Variants in TLE4 observed in about 807,000 individuals in gnomAD.
The protein encoded by TLE4 is TLE family member 4, transcriptional corepressor.
Under a neutral mutation model 92.8 loss-of-function variants are expected in TLE4, and 8 were observed. The ratio of observed to expected loss-of-function variants is 0.09; its 90% CI spans 0.05 to 0.16. TLE4 has a LOEUF of 0.16. Among genes scored for constraint, TLE4 ranks in the 10% least tolerant of loss-of-function variants. The pLI is 1.00. For synonymous variants in TLE4, 371 were observed against 374.1 expected, an observed-to-expected ratio of 0.99 and a Z score of 0.10; for missense variants, 675 against 997.6, an observed-to-expected ratio of 0.68 and a Z score of 4.36.
rs569437547 is a variant in TLE4 at position 79,682,824 on chromosome 9, C to T, written c.610-21959C>T. ...ACTATGCCCACAGCCATTATCTCACCTCCTGGATCCTATTGAGAGCATCCT... is the reference window on the plus strand; with the variant it reads ...ACTATGCCCACAGCCATTATCTCACTTCCTGGATCCTATTGAGAGCATCCT... On this transcript the variant is annotated intron_variant, in intron 8 of 19. Coordinates refer to ENST00000376552, the MANE Select transcript of TLE4 (RefSeq NM_007005.6). Among the ~76,000 whole-genome samples the T allele has an allele frequency of 2.0e-5, 3 of 152,306 alleles. No individual in the cohort carries two copies. The South Asian group carries it at 6.2e-4, about 32-fold the overall frequency.
At position 79,573,791 on chromosome 9, in the gene TLE4, C is replaced by G; in HGVS notation, c.143+5C>G. 1 of 1,574,748 alleles carries G rather than the reference C, an allele frequency of 6.4e-7. No individual in the cohort carries two copies. The highest frequency in any genetic ancestry group is 8.7e-7 in the Non-Finnish European group (1 of 1,150,536). Reference sequence around the variant, plus strand: ...TTTACAGGCTCAATACCACAGGTAACGATATTGACTTTAGCTGATCCTTCT... The same window carrying G: ...TTTACAGGCTCAATACCACAGGTAAGGATATTGACTTTAGCTGATCCTTCT... On this transcript the variant is annotated splice_donor_5th_base_variant and intron_variant, in intron 2 of 19. Transcript: ENST00000376552.
intron 4 of TLE4, among the ~76,000 whole-genome samples, chr9:79,602,717 A>G (rs2045928946): frequency 6.6e-6 from 1 of 152,204 alleles, no homozygotes; most frequent in Admixed American, 6.5e-5. Flanking sequence ...CATGCCTGCT[A>G]ATAATTCTGT....
chr9:79,656,430 T>G (rs1370264519), intron 8 of TLE4, among the ~76,000 whole-genome samples: 1 of 152,216 alleles, frequency 6.6e-6, no homozygotes, highest in Admixed American at 6.5e-5. Flanking sequence ...TTGCTTTTAA[T>G]TTTTCCCTTT....
intron 6 of TLE4, among the ~76,000 whole-genome samples, chr9:79,644,922 C>T (rs1587744031): frequency 6.6e-6 from 1 of 152,288 alleles, no homozygotes. Flanking sequence ...GCTTGGGAGA[C>T]AGCCAGCCTT....
chr9:79,674,466 A>T (rs2062925645), intron 8 of TLE4, among the ~76,000 whole-genome samples: 1 of 152,164 alleles, frequency 6.6e-6, no homozygotes, highest in African/African-American at 2.4e-5. Flanking sequence ...GATGTACCTT[A>T]CTTGATGTAG....
intron 4 of TLE4, among the ~76,000 whole-genome samples, chr9:79,589,438 CCTT>C (rs2042004088): frequency 1.3e-5 from 2 of 152,128 alleles, no homozygotes; most frequent in African/African-American, 2.4e-5. Flanking sequence ...CCGTGATAAA[CCTT>C]CTCGGTGGGA....
At chr9:79,673,017 G>A (rs923911941) in intron 8 of TLE4, among the ~76,000 whole-genome samples, 1 of 152,146 alleles carries the variant, frequency 6.6e-6, no homozygotes, top group Non-Finnish European at 1.5e-5. Flanking sequence ...GATAGTCTTA[G>A]AACATTGCAA....
chr9:79,725,064 T>A lies in TLE4; in HGVS notation c.2242T>A (p.Cys748Ser). Residue 748 changes from cysteine to serine, a missense_variant, in exon 20 of 20, where the codon TGT becomes AGT. By Grantham distance (112) the Cys-to-Ser change is moderately radical. This residue lies in a region of TLE4 where 170 missense variants were observed against 359.6 expected (regional missense o/e 0.47). Coordinates refer to ENST00000376552, the MANE Select transcript of TLE4 (RefSeq NM_007005.6). ...QSKESSSVLS[C>S]DISVDDKYIV... ...CAAAGAATCCTCATCGGTGCTTAGC[T>A]GTGACATCTCCGTGGACGACAAATA... 6.2e-7 allele frequency: 1 copy of A among 1,613,918 alleles called. No homozygotes were observed. Among genetic ancestry groups the A allele is most frequent in the Non-Finnish European group, 8.5e-7 (1 of 1,179,870 alleles).
rs115248411 is a variant in TLE4 at position 79,694,124 on chromosome 9, G to T, written c.610-10659G>T. On this transcript the variant is annotated intron_variant, in intron 8 of 19. Coordinates refer to ENST00000376552, the MANE Select transcript of TLE4 (RefSeq NM_007005.6). ...ATTGCTGGCAGGGCAAGGGCGGAGG[G>T]GGGAGTGTGGAGAACGGAAAAGAGA... 2.0e-3 allele frequency among the ~76,000 whole-genome samples: 312 copies of T among 152,296 alleles called. 1 individual carries two copies. The highest frequency in any genetic ancestry group is 7.1e-3 in the African/African-American group (295 of 41,562).
At chr9:79,704,985 A>C (rs2071108471) in intron 9 of TLE4, 83 bp downstream of exon 9, 1 of 1,549,578 alleles carries the variant, frequency 6.5e-7, no homozygotes, top group Non-Finnish European at 8.8e-7. Context: ...ATTACCAGCC[A>C]ACACAGGAAC....
At chr9:79,652,261 A>G (rs1587839174) in intron 6 of TLE4, among the ~76,000 whole-genome samples, 1 of 151,606 alleles carries the variant, frequency 6.6e-6, no homozygotes, top group Admixed American at 6.6e-5. Context: ...AACTCGGCTC[A>G]CTGCAAGCTC....
intron 17 of TLE4, among the ~76,000 whole-genome samples, chr9:79,722,162 T>C (rs1244121954): frequency 6.6e-6 from 1 of 151,808 alleles, no homozygotes; most frequent in East Asian, 1.9e-4. Flanking sequence ...AGACTCTGTC[T>C]GAAAAACAAA....
At chr9:79,670,002 T>G (rs1260626251) in intron 8 of TLE4, among the ~76,000 whole-genome samples, 1 of 152,112 alleles carries the variant, frequency 6.6e-6, no homozygotes, top group Non-Finnish European at 1.5e-5. Context: ...AGATCTGAAG[T>G]TCATGAGGAA....
intron 8 of TLE4, among the ~76,000 whole-genome samples, chr9:79,662,467 T>C (rs1313722890): frequency 6.6e-6 from 1 of 152,162 alleles, no homozygotes; most frequent in Admixed American, 6.6e-5. Flanking sequence ...TTCACTTATC[T>C]TTTTTTAAAC....
intron 6 of TLE4, among the ~76,000 whole-genome samples, chr9:79,647,593 T>C (rs984405398): frequency 2.4e-4 from 37 of 152,114 alleles, no homozygotes; most frequent in Admixed American, 2.2e-3. Context: ...TTGAAACATC[T>C]GGAAGAAAAT....
At chr9:79,681,972 G>A (rs2064786474) in intron 8 of TLE4, among the ~76,000 whole-genome samples, 2 of 151,790 alleles carry the variant, frequency 1.3e-5, no homozygotes, top group South Asian at 4.2e-4. Context: ...GTGAAATCTT[G>A]ATTAGTTTGA....
At chr9:79,638,150 G>C (rs1243280384) in intron 6 of TLE4, among the ~76,000 whole-genome samples, 1 of 152,128 alleles carries the variant, frequency 6.6e-6, no homozygotes, top group Non-Finnish European at 1.5e-5. Context: ...GGCAGCAGTA[G>C]GTGAGGCAGG....
At chr9:79,596,071 C>A (rs781502491) in intron 4 of TLE4, among the ~76,000 whole-genome samples, 1 of 152,146 alleles carries the variant, frequency 6.6e-6, no homozygotes, top group Non-Finnish European at 1.5e-5. Context: ...TGGTCTCGAT[C>A]TCCTGACCTC....
In TLE4 at chr9:79,705,940, G is replaced by C; in HGVS notation, c.781G>C (p.Glu261Gln). 1 of 1,614,174 alleles carries C rather than the reference G, an allele frequency of 6.2e-7. No homozygotes were observed. Among genetic ancestry groups the C allele is most frequent in the Non-Finnish European group, 8.5e-7 (1 of 1,180,008 alleles). Residue 261 changes from glutamate to glutamine, a missense_variant and splice_region_variant, in exon 10 of 20, where the codon GAG becomes CAG. Physicochemically the swap from Glu to Gln is conservative, Grantham distance 29 (BLOSUM62 2). Transcript: ENST00000376552. ...DDNLVVDVSN[E>Q]DPSSPRGSPA... ...CAACTTGGTGGTTGACGTTTCCAAT[G>C]AGGTATGTTTGTGGCTACTTTAATT...
Sources: gnomAD v4.1 joint callset for allele counts (sites outside exome capture counted in the v4.1 genomes callset) on GRCh38, gnomAD v4.1.1 for gene constraint, gnomAD v4.1.1 regional missense constraint, MANE v1.5 for transcripts, NCBI Gene and HGNC (gene_info 2026-07-23, HGNC 2026-07-21) for gene names.